The following CCDC18 variants were observed in gnomAD, a reference collection of about 807,000 sequenced individuals.
CCDC18 encodes coiled-coil domain containing 18.
CCDC18 carries 157 observed loss-of-function variants against 196.0 expected under a neutral mutation model. The observed-to-expected ratio is 0.80, with a 90% confidence interval of 0.70 to 0.91. CCDC18 has a LOEUF of 0.91. CCDC18 is among the 40% of genes least tolerant of loss of function. CCDC18 has a pLI of 0.00. For synonymous variants in CCDC18, 482 were observed against 529.2 expected, an observed-to-expected ratio of 0.91 and a Z score of 1.22; for missense variants, 1,465 against 1,611.6, an observed-to-expected ratio of 0.91 and a Z score of 1.56.
At chr1:93,195,186 C>T (rs1366590868) in intron 6 of CCDC18, among the ~76,000 whole-genome samples, 1 of 152,118 alleles carries the variant, frequency 6.6e-6, no homozygotes, top group East Asian at 1.9e-4. Flanking sequence ...TTGACTTTGG[C>T]TTCACAAAGT....
intron 23 of CCDC18, 106 bp downstream of exon 23, chr1:93,247,060 G>GT (rs888017100): frequency 7.0e-6 from 4 of 573,302 alleles, no homozygotes; most frequent in African/African-American, 6.0e-5. Flanking sequence ...TTGTTGTTTT[G>GT]TTTTTTGTTT....
intron 26 of CCDC18, among the ~76,000 whole-genome samples, chr1:93,263,005 A>G (rs1664022848): frequency 1.3e-5 from 2 of 152,100 alleles, no homozygotes; most frequent in African/African-American, 4.8e-5. Flanking sequence ...CACCCTCTGA[A>G]GCAATGGTCT....
At chr1:93,226,616 C>T (rs896189913) in intron 17 of CCDC18, among the ~76,000 whole-genome samples, 167 bp downstream of exon 17, 11 of 151,852 alleles carry the variant, frequency 7.2e-5, no homozygotes, top group Non-Finnish European at 1.2e-4. Context: ...TCACTTGAAC[C>T]TCTGCCTCCT....
At chr1:93,265,900 A>G (rs1050230709) in intron 27 of CCDC18, among the ~76,000 whole-genome samples, 2 of 149,542 alleles carry the variant, frequency 1.3e-5, no homozygotes, top group African/African-American at 4.9e-5. Flanking sequence ...CAGAAAATCA[A>G]CAAGGATATC....
chr1:93,263,511 G>C (rs1173201859), intron 26 of CCDC18, among the ~76,000 whole-genome samples: 1 of 152,102 alleles, frequency 6.6e-6, no homozygotes, highest in Non-Finnish European at 1.5e-5. Flanking sequence ...TCTCTGGGGT[G>C]GGGGCAAAAT....
chr1:93,183,254 C>T, intron 1 of CCDC18, 106 bp from the exon 2 acceptor site: 1 of 774,232 alleles, frequency 1.3e-6, no homozygotes, highest in Non-Finnish European at 1.9e-6. Flanking sequence ...GATTTCACAA[C>T]ATTTAAAATA....
At chr1:93,194,411 G>A (rs1652363276) in intron 6 of CCDC18, among the ~76,000 whole-genome samples, 1 of 149,482 alleles carries the variant, frequency 6.7e-6, no homozygotes, top group South Asian at 2.1e-4. Flanking sequence ...TCTGTACTAA[G>A]CAATTTTGCA....
At chr1:93,211,978 A>G (rs888143550) in intron 10 of CCDC18, 123 bp from the exon 11 acceptor site, 17 of 826,506 alleles carry the variant, frequency 2.1e-5, no homozygotes, top group Admixed American at 2.9e-5. Flanking sequence ...TATCCTGCCT[A>G]AAGAGTTGAC....
chr1:93,272,626 C>T (rs1665371131), intron 28 of CCDC18, among the ~76,000 whole-genome samples: 1 of 152,088 alleles, frequency 6.6e-6, no homozygotes, highest in South Asian at 2.1e-4. Flanking sequence ...CTTTTATGAC[C>T]CTCATAAGAC....
In CCDC18 at chr1:93,183,471, A is replaced by C. The variant is rs770258055; in HGVS notation, c.110A>C (p.Gln37Pro). ...HELKITEWSLQSLGEELSSVS... is the reference protein window; with the variant it reads ...HELKITEWSLPSLGEELSSVS... Reference sequence around the variant, plus strand: ...CTGAAGATAACAGAATGGAGTTTGCAGAGTTTAGGGGAAGAGTTATCCAGG... The same window carrying C: ...CTGAAGATAACAGAATGGAGTTTGCCGAGTTTAGGGGAAGAGTTATCCAGG... Residue 37 changes from glutamine (Q) to proline (P), a missense_variant, in exon 2 of 29, where the codon CAG becomes CCG. Physicochemically the swap from Gln to Pro is moderately conservative, Grantham distance 76 (BLOSUM62 -1). Coordinates refer to ENST00000690025, the MANE Select transcript of CCDC18 (RefSeq NM_001378204.1). The C allele has an allele frequency of 1.2e-6, 2 of 1,603,428 alleles. No individual in the cohort carries two copies. The highest frequency in any genetic ancestry group is 3.4e-5 in the Admixed American group (2 of 58,710).
intron 1 of CCDC18, among the ~76,000 whole-genome samples, chr1:93,182,372 C>T (rs997135632): frequency 6.6e-6 from 1 of 152,162 alleles, no homozygotes; most frequent in African/African-American, 2.4e-5. Context: ...TTGAGCTTCT[C>T]TAAGTACATT....
At position 93,254,577 on chromosome 1, in the gene CCDC18, T is replaced by C. The variant is rs775301107; in HGVS notation, c.3305T>C (p.Ile1102Thr). The change falls in exon 24 of 29, where the codon ATT (isoleucine) becomes ACT (threonine). Residue 1102 changes from isoleucine to threonine, a missense_variant. Coordinates refer to ENST00000690025, the MANE Select transcript of CCDC18 (RefSeq NM_001378204.1). ...EQEISQLKKE[I>T]ERTQQRMKEM... is the part of the protein sequence containing the mutation. Reference sequence around the variant, plus strand: ...GAGATAAGTCAACTGAAAAAAGAAATTGAAAGAACACAACAAAGGATGAAA... The same window carrying C: ...GAGATAAGTCAACTGAAAAAAGAAACTGAAAGAACACAACAAAGGATGAAA... 11 of 1,610,854 alleles carry C rather than the reference T, an allele frequency of 6.8e-6. No homozygotes were observed. The South Asian group carries it at 7.7e-5, about 11-fold the overall frequency.
At chr1:93,261,604 C>T (rs1001574237) in intron 26 of CCDC18, among the ~76,000 whole-genome samples, 4 of 151,912 alleles carry the variant, frequency 2.6e-5, no homozygotes, top group African/African-American at 9.7e-5. Flanking sequence ...ACATGGTCCC[C>T]ACAAGCCCCA....
At chr1:93,262,552 C>G (rs529959506) in intron 26 of CCDC18, among the ~76,000 whole-genome samples, 28 of 152,326 alleles carry the variant, frequency 1.8e-4, no homozygotes, top group African/African-American at 6.7e-4. Context: ...CTCCATGTCT[C>G]ACATCCAAGC....
chr1:93,233,032 A>G (rs1659487305), intron 18 of CCDC18, among the ~76,000 whole-genome samples: 1 of 152,132 alleles, frequency 6.6e-6, no homozygotes, highest in Non-Finnish European at 1.5e-5. Context: ...CTCTATACTG[A>G]TATTGTAAAA....
intron 28 of CCDC18, among the ~76,000 whole-genome samples, chr1:93,277,784 TTC>T (rs1195698509): frequency 6.6e-6 from 1 of 152,180 alleles, no homozygotes; most frequent in East Asian, 1.9e-4. Context: ...TCTTTTTTTC[TTC>T]TTTTAATCTT....
chr1:93,278,441 C>A lies in CCDC18; in HGVS notation c.4354-22C>A, dbSNP rs144414236. On this transcript the variant is annotated intron_variant, in intron 28 of 28. Coordinates refer to ENST00000690025, the MANE Select transcript of CCDC18 (RefSeq NM_001378204.1). ...GTTTAGGAATATTTCAAATATTAATCTATTATTTTGCATTATTCTAGGGAG... is the reference window on the plus strand; with the variant it reads ...GTTTAGGAATATTTCAAATATTAATATATTATTTTGCATTATTCTAGGGAG... The A allele has an allele frequency of 1.1e-4, 113 of 984,460 alleles. No homozygotes were observed. The African/African-American group carries it at 1.6e-3, about 14-fold the overall frequency. 61.0% of individuals were successfully genotyped at this position (984,460 alleles called of 1,614,324 possible). A position where few individuals can be genotyped will look rare whatever the true frequency, so the allele number is the denominator to read the frequency against.
At chr1:93,181,679 G>T (rs973536665) in intron 1 of CCDC18, among the ~76,000 whole-genome samples, 1 of 151,788 alleles carries the variant, frequency 6.6e-6, no homozygotes, top group African/African-American at 2.4e-5. Flanking sequence ...GCAGTGGCGC[G>T]ATCTCGGCTC....
At chr1:93,253,887 G>A (rs1042863632) in intron 23 of CCDC18, among the ~76,000 whole-genome samples, 2 of 152,088 alleles carry the variant, frequency 1.3e-5, no homozygotes, top group Non-Finnish European at 2.9e-5. Flanking sequence ...CCACATCTTC[G>A]TCTCTACCAG....
Sources: gnomAD v4.1 joint callset for allele counts (sites outside exome capture counted in the v4.1 genomes callset) on GRCh38, gnomAD v4.1.1 for gene constraint, MANE v1.5 for transcripts, NCBI Gene and HGNC (gene_info 2026-07-23, HGNC 2026-07-21) for gene names.